MEPE: variants seen among roughly 807,000 people sequenced by gnomAD.
The protein encoded by MEPE is matrix, extracellular phosphoglycoprotein with ASARM motif (bone).
A neutral mutation model predicts 7.3 loss-of-function variants in MEPE; 7 were observed. The observed-to-expected ratio is 0.95, with a 90% confidence interval of 0.54 to 1.79. The LOEUF (loss-of-function observed/expected upper bound fraction) is 1.79. MEPE is among the 40% of genes most tolerant of loss of function. The probability of loss-of-function intolerance (pLI) is 0.00; values close to 1 mark genes in which losing one functional copy is unlikely to be tolerated. For missense variants in MEPE, 623 were observed against 628.2 expected (o/e 0.99, Z 0.09); for synonymous variants, 214 against 213.1 (o/e 1.00, Z -0.04).
intron 1 of MEPE, among the ~76,000 whole-genome samples, chr4:87,824,298 G>T (rs1427029494): frequency 6.6e-6 from 1 of 152,160 alleles, no homozygotes; most frequent in Non-Finnish European, 1.5e-5. Flanking sequence ...CTGGCTAAGT[G>T]GTGAGACATA....
chr4:87,834,840 C>T (rs543093754), intron 2 of MEPE, 72 bp downstream of exon 2: 130 of 1,341,742 alleles, frequency 9.7e-5, no homozygotes, highest in Non-Finnish European at 1.2e-4. Context: ...TTTCAAGCAA[C>T]GTCTATTTAA....
Position 87,845,345 on chromosome 4 carries a change from T to G in MEPE, c.477T>G (p.Thr159=). 1 of 1,613,996 alleles carries G rather than the reference T, an allele frequency of 6.2e-7. No individual in the cohort carries two copies. ...NNMQHIMGPV[T]AIKLLGEENK... is the part of the protein sequence containing the mutation. ...TGCAACATATAATGGGGCCAGTGAC[T>G]GCGATTAAACTCCTGGGGGAAGAAA... The change falls in exon 4 of 4, where the codon ACT becomes ACG. Residue 159 remains threonine (T), a synonymous_variant. Transcript: ENST00000361056.
intron 3 of MEPE, chr4:87,839,628 CA>C (rs1433601787): frequency 1.6e-6 from 2 of 1,289,924 alleles, no homozygotes; most frequent in Non-Finnish European, 2.2e-6. Context: ...ACAAAGAGCC[CA>C]AAAACTTCTT....
Position 87,845,476 on chromosome 4 carries a change from C to T in MEPE, c.608C>T (p.Ala203Val), listed in dbSNP as rs1327107179. The change falls in exon 4 of 4, where the codon GCC (alanine) becomes GTC (valine). Residue 203 changes from alanine to valine, a missense_variant. Physicochemically the swap from Ala to Val is moderately conservative, Grantham distance 64 (BLOSUM62 0). Transcript: ENST00000361056. ...AAGAAGCCTCAAAGAGATTCCCAAG[C>T]CCAGAAAAGTCCAGTAAAAAGCAAA... ...DKKKPQRDSQ[A>V]QKSPVKSKST... The T allele has an allele frequency of 6.2e-7, 1 of 1,613,640 alleles. No individual in the cohort carries two copies. The highest frequency in any genetic ancestry group is 8.5e-7 in the Non-Finnish European group (1 of 1,179,956).
chr4:87,846,389 G>T lies in MEPE; in HGVS notation c.1521G>T (p.Arg507Ser). The T allele has an allele frequency of 6.2e-7, 1 of 1,614,036 alleles. No individual in the cohort carries two copies. The highest frequency in any genetic ancestry group is 1.1e-5 in the South Asian group (1 of 91,072). The change falls in exon 4 of 4, where the codon AGG (arginine) becomes AGT (serine). Residue 507 changes from arginine (R) to serine (S), a missense_variant. Arg to Ser is a moderately radical substitution (Grantham distance 110). Transcript: ENST00000361056. ...HSNRRFSSRR[R>S]DDSSESSDSG... ...ACAGGAGGTTTAGTTCCCGTAGAAG[G>T]GATGACAGTAGTGAGTCATCTGACA...
Position 87,846,235 on chromosome 4 carries a change from G to T in MEPE, c.1367G>T (p.Gly456Val), listed in dbSNP as rs1236739605. Residue 456 changes from glycine (G) to valine (V), a missense_variant, in exon 4 of 4, where the codon GGC becomes GTC. By Grantham distance (109) the Gly-to-Val change is moderately radical. Transcript: ENST00000361056. ...AAAAACGAAATGGATTCCTTTAATG[G>T]CCCCAGTCATGAGAATATAATAACA... ...EIKNEMDSFNGPSHENIITHG... is the reference protein window; with the variant it reads ...EIKNEMDSFNVPSHENIITHG... The T allele has an allele frequency of 6.2e-7, 1 of 1,613,886 alleles. No homozygotes were observed. Among genetic ancestry groups the T allele is most frequent in the East Asian group, 2.2e-5 (1 of 44,878 alleles).
intron 2 of MEPE, among the ~76,000 whole-genome samples, chr4:87,835,480 CTTT>C (rs1419696566): frequency 1.3e-5 from 2 of 152,146 alleles, no homozygotes; most frequent in East Asian, 3.9e-4. Context: ...TCAGAATAAC[CTTT>C]TTGGTTGGAG....
At chr4:87,840,250 G>T (rs1163292854) in intron 3 of MEPE, among the ~76,000 whole-genome samples, 1 of 152,156 alleles carries the variant, frequency 6.6e-6, no homozygotes, top group Non-Finnish European at 1.5e-5. Context: ...CTCCATCTGT[G>T]TTGGGTTGCT....
At chr4:87,836,577 A>T (rs1013603696) in intron 2 of MEPE, among the ~76,000 whole-genome samples, 3 of 152,184 alleles carry the variant, frequency 2.0e-5, no homozygotes, top group Non-Finnish European at 4.4e-5. Context: ...GAGTGATATA[A>T]TTGTCCAAAT....
At chr4:87,822,995 C>A (rs1722373313) in intron 1 of MEPE, among the ~76,000 whole-genome samples, 1 of 152,180 alleles carries the variant, frequency 6.6e-6, no homozygotes, top group Non-Finnish European at 1.5e-5. Flanking sequence ...GAAGTTGCAG[C>A]AGAGCAGCTC....
Position 87,838,602 on chromosome 4 carries a change from G to A in MEPE, c.55-30G>A, listed in dbSNP as rs756331103. The A allele has an allele frequency of 1.9e-6, 3 of 1,603,346 alleles. No homozygotes were observed. In the Admixed American group the frequency reaches 5.0e-5, roughly 27 times the overall value. On this transcript the variant is annotated intron_variant, in intron 2 of 3. Transcript: ENST00000361056. ...GTTAATGAAATAGAATGTTCTAGTG[G>A]GTGAAGTTTTGTTTCTTGTTTCCTT...
In MEPE at chr4:87,846,039, G is replaced by A. The variant is rs79592550; in HGVS notation, c.1171G>A (p.Ala391Thr). ...EKRKEGSSDA[A>T]ESTNYNEIPK... ...AAGAAAAGAAGGCAGTAGTGATGCAGCTGAAAGTACCAACTATAATGAAAT... is the reference window on the plus strand; with the variant it reads ...AAGAAAAGAAGGCAGTAGTGATGCAACTGAAAGTACCAACTATAATGAAAT... Residue 391 changes from alanine to threonine, a missense_variant, in exon 4 of 4, where the codon GCT (alanine) becomes ACT (threonine). By Grantham distance (58) the Ala-to-Thr change is moderately conservative. Coordinates refer to ENST00000361056, the MANE Select transcript of MEPE (RefSeq NM_020203.6). 1.3e-3 allele frequency: 2,045 copies of A among 1,614,048 alleles called. 22 individuals are homozygous for A. The African/African-American group carries it at 0.023, about 18-fold the overall frequency.
intron 1 of MEPE, among the ~76,000 whole-genome samples, chr4:87,826,887 C>T (rs767050278): frequency 1.1e-4 from 17 of 151,958 alleles, no homozygotes; most frequent in Non-Finnish European, 2.1e-4. Context: ...TTCTTATAGA[C>T]TCTGGATATT....
chr4:87,840,037 G>T (rs1722955161), intron 3 of MEPE: 1 of 1,535,430 alleles, frequency 6.5e-7, no homozygotes, highest in African/African-American at 1.4e-5. Flanking sequence ...CTGCAGGTGT[G>T]ATACTCATGG....
intron 1 of MEPE, among the ~76,000 whole-genome samples, chr4:87,827,644 T>C (rs1722502798): frequency 6.6e-6 from 1 of 152,166 alleles, no homozygotes; most frequent in Non-Finnish European, 1.5e-5. Context: ...TGTCACCATG[T>C]CCTGAAGGAA....
chr4:87,831,695 A>T (rs542702044), upstream of MEPE, among the ~76,000 whole-genome samples: 7 of 152,150 alleles, frequency 4.6e-5, no homozygotes, highest in Admixed American at 4.6e-4. Flanking sequence ...CATTGCAATG[A>T]CCTACAGGTC....
intron 3 of MEPE, among the ~76,000 whole-genome samples, chr4:87,843,206 C>T (rs541958213): frequency 1.1e-4 from 17 of 152,248 alleles, no homozygotes; most frequent in African/African-American, 4.1e-4. Context: ...TTCTTTCTTA[C>T]CACTGTTCCT....
chr4:87,846,304 C>A lies in MEPE; in HGVS notation c.1436C>A (p.Ser479Tyr). Reference sequence around the variant, plus strand: ...TATGTACCCCACAGACAAAATAATTCTACACGGAATAAGGGTATGCCACAA... The same window carrying A: ...TATGTACCCCACAGACAAAATAATTATACACGGAATAAGGGTATGCCACAA... ...YHYVPHRQNN[S>Y]TRNKGMPQGK... The change falls in exon 4 of 4, where the codon TCT (serine) becomes TAT (tyrosine). Residue 479 changes from serine to tyrosine, a missense_variant. Ser to Tyr is a moderately radical substitution (Grantham distance 144, BLOSUM62 -2). Coordinates refer to ENST00000361056, the MANE Select transcript of MEPE (RefSeq NM_020203.6). 2 of 1,614,026 alleles carry A rather than the reference C, an allele frequency of 1.2e-6. No homozygotes were observed. The highest frequency in any genetic ancestry group is 1.7e-6 in the Non-Finnish European group (2 of 1,179,966).
intron 1 of MEPE, among the ~76,000 whole-genome samples, chr4:87,822,936 A>G (rs1722371993): frequency 6.6e-6 from 1 of 152,132 alleles, no homozygotes; most frequent in South Asian, 2.1e-4. Flanking sequence ...CTGGTCCCAT[A>G]TGTAATCCAT....
Sources: gnomAD v4.1 joint callset for allele counts (sites outside exome capture counted in the v4.1 genomes callset) on GRCh38, gnomAD v4.1.1 for gene constraint, MANE v1.5 for transcripts, NCBI Gene and HGNC (gene_info 2026-07-23, HGNC 2026-07-21) for gene names.